The following CACNA1D variants were observed in gnomAD, a reference collection of about 807,000 sequenced individuals.
CACNA1D encodes voltage-dependent L-type calcium channel subunit alpha-1D.
In CACNA1D, 55 loss-of-function variants were observed where a neutral mutation model predicts 257.1. The ratio of observed to expected loss-of-function variants is 0.21; its 90% confidence interval spans 0.17 to 0.27. The LOEUF (loss-of-function observed/expected upper bound fraction) is 0.27. CACNA1D is among the 10% of genes least tolerant of loss of function. CACNA1D has a pLI of 1.00. For synonymous variants in CACNA1D, 980 were observed against 1,014.9 expected, an observed-to-expected ratio of 0.97 and a Z score of 0.65; for missense variants, 1,876 against 2,784.0, an observed-to-expected ratio of 0.67 and a Z score of 7.34.
intron 8 of CACNA1D, among the ~76,000 whole-genome samples, chr3:53,685,540 A>G (rs2094466661): frequency 6.6e-6 from 1 of 152,172 alleles, no homozygotes; most frequent in Non-Finnish European, 1.5e-5. Context: ...TTTTCAGAGC[A>G]CGTGGAACAT....
At chr3:53,786,111 C>T (rs2095451357) in intron 39 of CACNA1D, 1 of 152,796 alleles carries the variant, frequency 6.5e-6, no homozygotes, top group South Asian at 2.1e-4. Context: ...TTAAAGTCAT[C>T]AGCAGAGTTC....
chr3:53,574,110 C>T (rs150741808), intron 3 of CACNA1D, among the ~76,000 whole-genome samples: 5 of 152,252 alleles, frequency 3.3e-5, no homozygotes, highest in East Asian at 1.9e-4. Context: ...TCAGGGTGCT[C>T]GATGCATGCA....
intron 25 of CACNA1D, among the ~76,000 whole-genome samples, chr3:53,747,085 C>T (rs1335330341): frequency 1.3e-5 from 2 of 152,134 alleles, no homozygotes; most frequent in Non-Finnish European, 2.9e-5. Flanking sequence ...ATACACGTTG[C>T]ACTGGTAGTT....
At chr3:53,599,781 T>C (rs1030175969) in intron 3 of CACNA1D, among the ~76,000 whole-genome samples, 2 of 152,196 alleles carry the variant, frequency 1.3e-5, no homozygotes, top group Non-Finnish European at 2.9e-5. Context: ...AAACTTAGTT[T>C]CCTCTCTGCT....
intron 29 of CACNA1D, among the ~76,000 whole-genome samples, chr3:53,759,802 G>A (rs1042228814): frequency 6.6e-6 from 1 of 152,232 alleles, no homozygotes; most frequent in East Asian, 1.9e-4. Context: ...CTTCTTGGAC[G>A]AAGGAAACTG....
chr3:53,802,751 T>C (rs562623345), intron 43 of CACNA1D, among the ~76,000 whole-genome samples: 1 of 152,276 alleles, frequency 6.6e-6, no homozygotes, highest in Non-Finnish European at 1.5e-5. Flanking sequence ...CCAAGTTGGG[T>C]GCAAGAAAGT....
chr3:53,749,182 G>A (rs1321429994), intron 26 of CACNA1D, 86 bp from the exon 27 acceptor site: 3 of 921,760 alleles, frequency 3.3e-6, no homozygotes, highest in Non-Finnish European at 3.5e-6. Context: ...GAGGAGTTCT[G>A]GAGAGGGAGG....
At chr3:53,790,647 G>A (rs1441758081) in intron 40 of CACNA1D, among the ~76,000 whole-genome samples, 5 of 152,236 alleles carry the variant, frequency 3.3e-5, no homozygotes, top group East Asian at 1.9e-4. Context: ...GCCAGTTGGC[G>A]ATGCAGGTGG....
chr3:53,710,925 A>G (rs1177677779), intron 9 of CACNA1D, among the ~76,000 whole-genome samples: 1 of 152,154 alleles, frequency 6.6e-6, no homozygotes, highest in African/African-American at 2.4e-5. Flanking sequence ...CAAAGCTAGT[A>G]GTGGCAGCTT....
At chr3:53,664,119 G>A (rs1407060848) in intron 5 of CACNA1D, among the ~76,000 whole-genome samples, 1 of 152,024 alleles carries the variant, frequency 6.6e-6, no homozygotes, top group African/African-American at 2.4e-5. Flanking sequence ...TCAGCTTCAG[G>A]ACACGTCTAC....
intron 3 of CACNA1D, among the ~76,000 whole-genome samples, chr3:53,613,654 G>C (rs928401246): frequency 1.3e-5 from 2 of 152,028 alleles, no homozygotes; most frequent in Non-Finnish European, 2.9e-5. Flanking sequence ...AGGTCACTGT[G>C]AATTTCCTCA....
At chr3:53,667,954 T>A (rs1223703142) in intron 7 of CACNA1D, among the ~76,000 whole-genome samples, 1 of 152,154 alleles carries the variant, frequency 6.6e-6, no homozygotes, top group Non-Finnish European at 1.5e-5. Flanking sequence ...GGCTTCTGTA[T>A]GCAGGAGGGC....
intron 3 of CACNA1D, among the ~76,000 whole-genome samples, chr3:53,531,327 G>T (rs1361079286): frequency 6.6e-6 from 1 of 152,136 alleles, no homozygotes; most frequent in African/African-American, 2.4e-5. Flanking sequence ...CAAGGTTTAC[G>T]TTAGCAGATT....
chr3:53,691,760 C>CAG (rs2094524307), intron 8 of CACNA1D, among the ~76,000 whole-genome samples: 4 of 38,448 alleles, frequency 1.0e-4, no homozygotes, highest in African/African-American at 2.4e-4. Context: ...ATATATATTA[C>CAG]ATATAATATA....
chr3:53,758,781 CAGTTGTAGG>C (rs2095282384), intron 29 of CACNA1D, among the ~76,000 whole-genome samples: 2 of 152,136 alleles, frequency 1.3e-5, no homozygotes, highest in Admixed American at 1.3e-4. Context: ...CCTCAGAATT[CAGTTGTAGG>C]AGAACACATC....
At chr3:53,670,256 G>A (rs531221101) in intron 7 of CACNA1D, among the ~76,000 whole-genome samples, 2 of 152,310 alleles carry the variant, frequency 1.3e-5, no homozygotes, top group African/African-American at 2.4e-5. Flanking sequence ...AGTATACCAA[G>A]TTTCCAGAAG....
chr3:53,689,347 G>GT lies in CACNA1D; in HGVS notation c.1221-13281dup, dbSNP rs771931677. Among the ~76,000 whole-genome samples, 500 of 145,966 alleles carry GT rather than the reference G, an allele frequency of 3.4e-3. 3 individuals carry two copies. Among genetic ancestry groups the GT allele is most frequent in the African/African-American group, 6.4e-3 (257 of 39,962 alleles). ...GGGAATACCCACTGAGAGAGGCAGG[G>GT]TTTTTTTTTTTTTCTTTAAGCTGCG... On this transcript the variant is annotated intron_variant, in intron 8 of 47. Transcript: ENST00000350061.
intron 14 of CACNA1D, 27 bp from the exon 15 acceptor site, chr3:53,726,852 C>T (rs780377342): frequency 1.9e-6 from 3 of 1,614,098 alleles, no homozygotes; most frequent in East Asian, 4.5e-5. Flanking sequence ...AATCCACCTG[C>T]TGGCTGATAC....
chr3:53,653,605 A>G (rs558256179), intron 4 of CACNA1D, among the ~76,000 whole-genome samples: 9 of 152,184 alleles, frequency 5.9e-5, no homozygotes, highest in East Asian at 1.9e-4. Context: ...CTTAAACACT[A>G]TAGAAGGAAA....
Sources: allele counts gnomAD v4.1 joint callset (sites outside exome capture counted in the v4.1 genomes callset), GRCh38; gene constraint gnomAD v4.1.1; transcripts MANE v1.5; gene names NCBI Gene and HGNC (gene_info 2026-07-23, HGNC 2026-07-21).